The following MAF variants were observed in gnomAD, a reference collection of about 807,000 sequenced individuals.
MAF encodes MAF bZIP transcription factor.
In MAF, 10 loss-of-function variants were observed where a neutral mutation model predicts 22.0. The observed-to-expected ratio is 0.45, with a 90% CI of 0.28 to 0.77. The LOEUF (loss-of-function observed/expected upper bound fraction) is 0.77, where lower values mean the gene tolerates loss of function less well. Among genes scored for constraint, MAF ranks in the 30% least tolerant of loss-of-function variants. The pLI is 0.12. For missense variants in MAF, 544 were observed against 548.4 expected (o/e 0.99, Z 0.08); for synonymous variants, 337 against 255.8 (o/e 1.32, Z -3.03).
chr16:79,293,143 C>A, the MAF span, among the ~76,000 whole-genome samples: 27 of 152,202 alleles, frequency 1.8e-4, no homozygotes, highest in Non-Finnish European at 3.2e-4. Context: ...ACCCTATGGA[C>A]TGGCCCTGAG....
the MAF span, among the ~76,000 whole-genome samples, chr16:79,441,851 T>A: frequency 1.4e-4 from 22 of 152,222 alleles, no homozygotes; most frequent in African/African-American, 4.8e-4. Context: ...TGGTTAAGAA[T>A]GTCGAGGTAA....
the MAF span, among the ~76,000 whole-genome samples, chr16:79,326,640 G>T: frequency 3.6e-4 from 55 of 152,286 alleles, no homozygotes; most frequent in Non-Finnish European, 5.7e-4. Flanking sequence ...GATCACATAC[G>T]GTTTCTGTTG....
At chr16:79,212,145 T>G in the MAF span, 1 of 1,517,026 alleles carries the variant, frequency 6.6e-7, no homozygotes, top group Non-Finnish European at 8.8e-7. Context: ...GGTCCCCTCG[T>G]CCCATCCAGC....
the MAF span, among the ~76,000 whole-genome samples, chr16:79,279,771 CT>C: frequency 1.3e-5 from 2 of 151,788 alleles, no homozygotes; most frequent in African/African-American, 4.8e-5. Flanking sequence ...GCTGCTGCTT[CT>C]TTTTTTTTCT....
chr16:79,332,043 A>C, the MAF span, among the ~76,000 whole-genome samples: 1 of 152,334 alleles, frequency 6.6e-6, no homozygotes, highest in East Asian at 1.9e-4. Flanking sequence ...GAGGGCAGAA[A>C]CTTTGTTTTT....
the MAF span, among the ~76,000 whole-genome samples, chr16:79,484,284 G>C: frequency 6.6e-6 from 1 of 152,184 alleles, no homozygotes; most frequent in Admixed American, 6.5e-5. Context: ...CGAGGCTGGC[G>C]TGACAAGGCT....
At chr16:79,371,127 A>C in the MAF span, among the ~76,000 whole-genome samples, 10 of 117,746 alleles carry the variant, frequency 8.5e-5, 2 homozygotes, top group African/African-American at 3.7e-4. Context: ...ACATTCATTC[A>C]CATTTTTTTT....
At chr16:79,496,868 A>G in the MAF span, among the ~76,000 whole-genome samples, 1 of 152,170 alleles carries the variant, frequency 6.6e-6, no homozygotes, top group Admixed American at 6.5e-5. Flanking sequence ...CAATCATGAC[A>G]AATCCCTCTG....
the MAF span, among the ~76,000 whole-genome samples, chr16:79,325,378 A>G: frequency 6.6e-6 from 1 of 152,156 alleles, no homozygotes; most frequent in Non-Finnish European, 1.5e-5. Flanking sequence ...ATGCAATCTC[A>G]TGGAACCCTT....
chr16:79,355,848 C>G, the MAF span, among the ~76,000 whole-genome samples: 1 of 152,134 alleles, frequency 6.6e-6, no homozygotes, highest in Non-Finnish European at 1.5e-5. Context: ...TTCAGCATCC[C>G]TCTGTCAATA....
chr16:79,344,895 A>G, the MAF span, among the ~76,000 whole-genome samples: 1 of 152,250 alleles, frequency 6.6e-6, no homozygotes, highest in Non-Finnish European at 1.5e-5. Context: ...AAATCCTCAT[A>G]ACTTTAAACA....
At chr16:79,339,934 T>A in the MAF span, among the ~76,000 whole-genome samples, 1 of 152,170 alleles carries the variant, frequency 6.6e-6, no homozygotes, top group Admixed American at 6.5e-5. Flanking sequence ...ATTTAGCAAG[T>A]TCTTCAATTT....
At chr16:79,532,064 T>C in the MAF span, among the ~76,000 whole-genome samples, 1 of 152,118 alleles carries the variant, frequency 6.6e-6, no homozygotes, top group Non-Finnish European at 1.5e-5. Flanking sequence ...TTAGCATGAG[T>C]AGGTTCCTAT....
At chr16:79,379,247 T>G in the MAF span, among the ~76,000 whole-genome samples, 4 of 152,176 alleles carry the variant, frequency 2.6e-5, no homozygotes, top group Admixed American at 6.5e-5. Context: ...TAGAGAACTG[T>G]GTTGAAAAGA....
chr16:79,259,644 G>T, the MAF span, among the ~76,000 whole-genome samples: 13 of 152,252 alleles, frequency 8.5e-5, no homozygotes, highest in African/African-American at 3.1e-4. Flanking sequence ...ACAGGCTCTT[G>T]GTTGCATATA....
chr16:79,290,462 G>A, the MAF span, among the ~76,000 whole-genome samples: 1 of 152,176 alleles, frequency 6.6e-6, no homozygotes, highest in Admixed American at 6.5e-5. Flanking sequence ...AGGTCTGAGA[G>A]TCAGAATCAT....
the MAF span, among the ~76,000 whole-genome samples, chr16:79,223,708 A>G: frequency 6.6e-6 from 1 of 152,212 alleles, no homozygotes; most frequent in Non-Finnish European, 1.5e-5. Flanking sequence ...AATACAAACT[A>G]CCATCAGAGA....
chr16:79,420,689 T>G, the MAF span, among the ~76,000 whole-genome samples: 2 of 152,214 alleles, frequency 1.3e-5, no homozygotes, highest in Non-Finnish European at 2.9e-5. Flanking sequence ...AAGGTTTCAG[T>G]CATCCGCGGT....
At chr16:79,507,107 T>C in the MAF span, among the ~76,000 whole-genome samples, 702 of 138,788 alleles carry the variant, frequency 5.1e-3, 5 homozygotes, top group Non-Finnish European at 6.1e-3. Flanking sequence ...AATTAACTTT[T>C]CTGCGTCTTT....
Sources: allele counts gnomAD v4.1 joint callset (sites outside exome capture counted in the v4.1 genomes callset), GRCh38; gene constraint gnomAD v4.1.1; transcripts MANE v1.5; gene names NCBI Gene and HGNC (gene_info 2026-07-23, HGNC 2026-07-21).